RP1: variants seen among roughly 807,000 people sequenced by gnomAD.
RP1 encodes oxygen-regulated protein 1.
Under a neutral mutation model 14.8 loss-of-function variants are expected in RP1, and 16 were observed. That is an observed-to-expected ratio of 1.08 (90% confidence interval 0.73 to 1.65). The LOEUF is 1.65. Among genes scored for constraint, RP1 ranks in the 40% most tolerant of loss-of-function variants. The pLI is 0.00. For missense variants in RP1, 2,631 were observed against 2,535.0 expected (o/e 1.04, Z -0.81); for synonymous variants, 876 against 883.6 (o/e 0.99, Z 0.15).
At chr8:54,729,640 G>A (rs1808742700) in intron 17 of RP1, among the ~76,000 whole-genome samples, 1 of 151,954 alleles carries the variant, frequency 6.6e-6, no homozygotes, top group African/African-American at 2.4e-5. Flanking sequence ...GTGCATATAT[G>A]TATGTATATA....
chr8:54,681,518 GTGTGTATGTA>G (rs1489813380), intron 12 of RP1, among the ~76,000 whole-genome samples: 2 of 150,524 alleles, frequency 1.3e-5, no homozygotes, highest in African/African-American at 4.9e-5. Flanking sequence ...GTGTGTGTGT[GTGTGTATGTA>G]TATATGTATA....
At chr8:54,662,686 C>A (rs867159939) in intron 6 of RP1, among the ~76,000 whole-genome samples, 1 of 152,176 alleles carries the variant, frequency 6.6e-6, no homozygotes, top group Non-Finnish European at 1.5e-5. Context: ...GTCCCAGTAC[C>A]TATTTCCAGG....
intron 25 of RP1, among the ~76,000 whole-genome samples, chr8:54,847,362 G>A (rs1208479001): frequency 4.6e-5 from 7 of 152,112 alleles, no homozygotes; most frequent in African/African-American, 7.2e-5. Flanking sequence ...TGTCACTCCC[G>A]GAGGCCCCAG....
At chr8:54,811,658 A>G (rs1313201013) in intron 24 of RP1, among the ~76,000 whole-genome samples, 1 of 152,238 alleles carries the variant, frequency 6.6e-6, no homozygotes, top group Non-Finnish European at 1.5e-5. Context: ...AGTTCAAATT[A>G]CATATTTCAA....
At chr8:54,684,979 G>C (rs113615372) in intron 12 of RP1, among the ~76,000 whole-genome samples, 8 of 152,226 alleles carry the variant, frequency 5.3e-5, no homozygotes, top group African/African-American at 1.9e-4. Flanking sequence ...CACTTACTGC[G>C]GCTTGTTGTG....
intron 15 of RP1, among the ~76,000 whole-genome samples, chr8:54,715,194 A>G (rs1808373268): frequency 6.6e-6 from 1 of 152,246 alleles, no homozygotes; most frequent in African/African-American, 2.4e-5. Context: ...GGAAATGGGC[A>G]TTAGATGTTA....
At chr8:54,663,996 C>A in intron 7 of RP1, 1 of 806,374 alleles carries the variant, frequency 1.2e-6, no homozygotes, top group Non-Finnish European at 1.8e-6. Context: ...AACAGATCAT[C>A]AGAACTTTTT....
At chr8:54,582,590 G>C (rs1804822452) in intron 1 of RP1, among the ~76,000 whole-genome samples, 1 of 152,060 alleles carries the variant, frequency 6.6e-6, no homozygotes, top group African/African-American at 2.4e-5. Flanking sequence ...AAATTACCTT[G>C]AGCAGTGTGG....
intron 24 of RP1, among the ~76,000 whole-genome samples, chr8:54,796,283 C>T (rs1035854030): frequency 6.6e-6 from 1 of 152,046 alleles, no homozygotes; most frequent in Non-Finnish European, 1.5e-5. Context: ...GTAAAATTTT[C>T]AGCATATAAA....
chr8:54,847,685 A>G (rs773794868), intron 25 of RP1, among the ~76,000 whole-genome samples: 3 of 152,200 alleles, frequency 2.0e-5, no homozygotes, highest in Non-Finnish European at 2.9e-5. Flanking sequence ...TTGATTGCTG[A>G]TAGATATCAC....
At chr8:54,619,645 G>A (rs915003158) in intron 1 of RP1, among the ~76,000 whole-genome samples, 1 of 152,180 alleles carries the variant, frequency 6.6e-6, no homozygotes, top group Non-Finnish European at 1.5e-5. Context: ...CTCTCCTGAA[G>A]GTTTAACTTT....
At chr8:54,797,530 A>AACACACACACACAC (rs3077304) in intron 24 of RP1, among the ~76,000 whole-genome samples, 1 of 148,294 alleles carries the variant, frequency 6.7e-6, no homozygotes, top group African/African-American at 2.5e-5. Context: ...CATAGGACTA[A>AACACACACACACAC]ACACACACAC....
Position 54,866,009 on chromosome 8 carries a change from GACA to G in RP1, c.4151+97_4151+99del, listed in dbSNP as rs1443405509. 20 of 480,786 alleles carry G rather than the reference GACA, an allele frequency of 4.2e-5. No individual in the cohort carries two copies. In the East Asian group the frequency reaches 7.1e-4, roughly 17 times the overall value. 29.8% of individuals were successfully genotyped at this position (480,786 alleles called of 1,614,324 possible). Reference sequence around the variant, plus strand: ...CCAGCATGCCTCATCCCAGCTGTTGGACAACATCATTCCCTCCCTGAAAACCAG... The same window carrying G: ...CCAGCATGCCTCATCCCAGCTGTTGGACATCATTCCCTCCCTGAAAACCAG... On this transcript the variant is annotated intron_variant, in intron 28 of 28. Coordinates refer to the RP1 transcript ENST00000637698.
intron 26 of RP1, among the ~76,000 whole-genome samples, chr8:54,856,877 G>A (rs1450978481): frequency 6.6e-6 from 1 of 152,108 alleles, no homozygotes; most frequent in Non-Finnish European, 1.5e-5. Flanking sequence ...AAAGCATAGT[G>A]TAGAACTTTG....
chr8:54,775,744 A>G (rs561268791), intron 23 of RP1, among the ~76,000 whole-genome samples: 1 of 152,378 alleles, frequency 6.6e-6, no homozygotes, highest in East Asian at 1.9e-4. Flanking sequence ...ATGCAGGAAT[A>G]GATCATGGTA....
chr8:54,622,090 C>T (rs1251651217), intron 2 of RP1, 27 bp from the exon 3 acceptor site: 3 of 1,612,914 alleles, frequency 1.9e-6, no homozygotes. Context: ...GTGCTCATCT[C>T]AGGATAATGA....
In RP1 at chr8:54,861,019, A is replaced by G. The variant is rs1015659604; in HGVS notation, c.4069+3913A>G. On this transcript the variant is annotated intron_variant, in intron 27 of 28. Coordinates refer to the RP1 transcript ENST00000637698. ...TCAGTTAAGGAACCCAGTTAAAGCA[A>G]GTGAAAAGTAATTACTATAACATGA... Among the ~76,000 whole-genome samples the G allele has an allele frequency of 4.6e-5, 7 of 152,340 alleles. No individual in the cohort carries two copies. In the East Asian group the frequency reaches 9.6e-4, roughly 21 times the overall value.
chr8:54,571,011 G>A (rs181663616), intron 1 of RP1, among the ~76,000 whole-genome samples: 16 of 152,280 alleles, frequency 1.1e-4, no homozygotes, highest in South Asian at 2.1e-4. Flanking sequence ...GTGACTGGCC[G>A]TCATCACATC....
At chr8:54,687,485 G>GTGATGTTCCCCTCCCTAT (rs1267106034) in intron 12 of RP1, among the ~76,000 whole-genome samples, 3 of 151,626 alleles carry the variant, frequency 2.0e-5, no homozygotes, top group Non-Finnish European at 4.4e-5. Context: ...GACAGGCCCC[G>GTGATGTTCCCCTCCCTAT]GTTTGTGATG....
Sources: gnomAD v4.1 joint callset for allele counts (sites outside exome capture counted in the v4.1 genomes callset) on GRCh38, gnomAD v4.1.1 for gene constraint, MANE v1.5 for transcripts, NCBI Gene and HGNC (gene_info 2026-07-23, HGNC 2026-07-21) for gene names.